Variants in KCP observed in about 807,000 individuals in gnomAD.
The protein encoded by KCP is kielin cysteine rich BMP regulator.
KCP carries 194 observed loss-of-function variants against 212.7 expected under a neutral mutation model. That is an observed-to-expected ratio of 0.91 (90% CI 0.81 to 1.03). KCP has a LOEUF of 1.03. Ranked by LOEUF, KCP falls within the 50% of genes least tolerant of loss-of-function variation. The pLI is 0.00. For missense variants in KCP, 2,080 were observed against 2,162.5 expected, an observed-to-expected ratio of 0.96 and a Z score of 0.76; for synonymous variants, 833 against 865.3, an observed-to-expected ratio of 0.96 and a Z score of 0.65.
chr7:128,894,274 C>T lies in KCP; in HGVS notation c.851G>A (p.Arg284His), dbSNP rs904732421. ...CRCLEGHIQC[R>H]QRECASLCPY... ...ACACAGGCTGGCACATTCTCGCTGG[C>T]GGCACTGGATGTGACCCTCCTGGTG... The change falls in exon 9 of 40, where the codon CGC becomes CAC. Residue 284 changes from arginine to histidine, a missense_variant. Arg to His is a conservative substitution (Grantham distance 29). Transcript: ENST00000610776. 17 of 1,542,746 alleles carry T rather than the reference C, an allele frequency of 1.1e-5. No homozygotes were observed. Among genetic ancestry groups the T allele is most frequent in the South Asian group, 7.2e-5 (6 of 82,858 alleles).
In KCP at chr7:128,894,019, TC is replaced by T. The variant is rs1794358665; in HGVS notation, c.961del (p.Glu321SerfsTer193). On this transcript the variant is annotated frameshift_variant, in exon 10 of 40. Coordinates refer to ENST00000610776, the MANE Select transcript of KCP (RefSeq NM_001366122.1). LOFTEE classifies it high-confidence loss of function. Reference sequence around the variant, plus strand: ...GCAGGGGTCCCCTGAGCCCACAGGCTCCCCGCTGCGGTGCTCCCGCCCGTTT... The same window carrying T: ...GCAGGGGTCCCCTGAGCCCACAGGCTCCCGCTGCGGTGCTCCCGCCCGTTT... ...FLNGREHRSG[E>X]PVGSGDPCSH... The T allele has an allele frequency of 6.5e-7, 1 of 1,549,988 alleles. No homozygotes were observed. The highest frequency in any genetic ancestry group is 1.4e-5 in the African/African-American group (1 of 73,026).
At chr7:128,891,976 G>A (rs1476799663) in intron 16 of KCP, among the ~76,000 whole-genome samples, 157 bp from the exon 17 acceptor site, 1 of 151,620 alleles carries the variant, frequency 6.6e-6, no homozygotes, top group African/African-American at 2.4e-5. Flanking sequence ...CATGTGTATC[G>A]TTGTGAGCAC....
chr7:128,904,930 A>G (rs939306149), intron 5 of KCP, among the ~76,000 whole-genome samples: 2 of 152,010 alleles, frequency 1.3e-5, no homozygotes, highest in Admixed American at 1.3e-4. Context: ...TTAAAATTTC[A>G]CCAAAGACAT....
At chr7:128,890,617 G>A in intron 20 of KCP, 104 bp from the exon 21 acceptor site, 2 of 914,374 alleles carry the variant, frequency 2.2e-6, no homozygotes, top group Non-Finnish European at 3.2e-6. Context: ...CGTGGGGGCC[G>A]TGGGGGCTGG....
At position 128,878,539 on chromosome 7, in the gene KCP, C is replaced by T. The variant is rs536148402; in HGVS notation, c.4311+19G>A. ...CTGCGTCTCCCCTAATCCCCATCCCCGGTTCCTGTACCACTCACCTGCCAG... is the reference window on the plus strand; with the variant it reads ...CTGCGTCTCCCCTAATCCCCATCCCTGGTTCCTGTACCACTCACCTGCCAG... On this transcript the variant is annotated intron_variant, in intron 38 of 39. Coordinates refer to ENST00000610776, the MANE Select transcript of KCP (RefSeq NM_001366122.1). The T allele has an allele frequency of 3.2e-4, 499 of 1,547,082 alleles. 1 individual carries two copies. In the Admixed American group the frequency reaches 4.4e-3, roughly 14 times the overall value.
intron 31 of KCP, among the ~76,000 whole-genome samples, chr7:128,881,377 T>C (rs10954211): frequency 0.68 from 103,171 of 152,022 alleles, 35,724 homozygotes; most frequent in African/African-American, 0.82. Flanking sequence ...CTGGGGATCC[T>C]GAGCCCCCTG....
At chr7:128,900,879 G>A (rs527869338) in intron 8 of KCP, among the ~76,000 whole-genome samples, 1 of 152,278 alleles carries the variant, frequency 6.6e-6, no homozygotes, top group African/African-American at 2.4e-5. Flanking sequence ...AAGGGAGAGG[G>A]AAAATGTCAG....
chr7:128,877,225 G>A lies in KCP; in HGVS notation c.4705C>T (p.Leu1569=), dbSNP rs555130593. ...PRTCFNQHIP[L]GELAAHCVRP... ...ACGCAGTGGGCTGCCAGCTCCCCCA[G>A]GGGGATATGCTGATTGAAGCAGGTG... The change falls in exon 40 of 40, where the codon CTG becomes TTG. Residue 1569 remains leucine, a synonymous_variant. Coordinates refer to ENST00000610776, the MANE Select transcript of KCP (RefSeq NM_001366122.1). The A allele has an allele frequency of 6.1e-6, 9 of 1,479,858 alleles. No individual in the cohort carries two copies. Among genetic ancestry groups the A allele is most frequent in the African/African-American group, 1.4e-5 (1 of 70,196 alleles). 91.7% of individuals were successfully genotyped at this position (1,479,858 alleles called of 1,614,324 possible).
chr7:128,891,617 A>T (rs766915802), intron 17 of KCP, 29 bp downstream of exon 17: 8 of 1,501,104 alleles, frequency 5.3e-6, no homozygotes, highest in Non-Finnish European at 7.1e-6. Flanking sequence ...ATCCCATCCC[A>T]GAAGGCCGCC....
chr7:128,900,750 AAGAG>A (rs756335658), intron 8 of KCP, among the ~76,000 whole-genome samples: 1 of 152,334 alleles, frequency 6.6e-6, no homozygotes, highest in East Asian at 1.9e-4. Context: ...CCCTGAACAC[AAGAG>A]AGAGAGACCC....
chr7:128,877,601 A>G lies in KCP; in HGVS notation c.4501T>C (p.Cys1501Arg). The change falls in exon 39 of 40, where the codon TGT (cysteine) becomes CGT (arginine). Residue 1501 changes from cysteine (C) to arginine (R), a missense_variant. Physicochemically the swap from Cys to Arg is radical, Grantham distance 180 (BLOSUM62 -3). Coordinates refer to ENST00000610776, the MANE Select transcript of KCP (RefSeq NM_001366122.1). ...GCGGAGGAGCCAGGGCCACAGGCAC[A>G]CAGGTCATACACACAGGCGGCAAAG... ...PFFAACVYDL[C>R]ACGPGSSADA... 6.4e-7 allele frequency: 1 copy of G among 1,551,692 alleles called. No homozygotes were observed. The highest frequency in any genetic ancestry group is 8.7e-7 in the Non-Finnish European group (1 of 1,146,992).
chr7:128,890,161 C>T (rs1471206335), intron 21 of KCP, 182 bp downstream of exon 21: 17 of 1,127,750 alleles, frequency 1.5e-5, no homozygotes, highest in Admixed American at 2.3e-5. Context: ...CTCAAGTGAT[C>T]CTCCTGCCTC....
intron 31 of KCP, 124 bp downstream of exon 31, chr7:128,881,502 C>T (rs990830938): frequency 1.7e-6 from 1 of 602,200 alleles, no homozygotes; most frequent in Non-Finnish European, 2.7e-6. Flanking sequence ...AAGAATGAAC[C>T]CTGCATTCTG....
chr7:128,888,802 C>T (rs921544751), intron 22 of KCP, 61 bp downstream of exon 22: 12 of 1,461,516 alleles, frequency 8.2e-6, no homozygotes, highest in Non-Finnish European at 9.2e-6. Context: ...AAAGTGGAAT[C>T]GGTGAGAAAG....
chr7:128,892,152 C>T (rs528864854), intron 16 of KCP, among the ~76,000 whole-genome samples: 1 of 151,998 alleles, frequency 6.6e-6, no homozygotes, highest in African/African-American at 2.4e-5. Flanking sequence ...CAGCACCCGG[C>T]CTCCTACGTG....
intron 37 of KCP, 147 bp downstream of exon 37, chr7:128,879,375 C>A (rs956975456): frequency 3.2e-6 from 2 of 629,974 alleles, no homozygotes; most frequent in South Asian, 1.9e-5. Flanking sequence ...GACCCTGATC[C>A]ACCTCCCCTC....
chr7:128,893,138 G>T, intron 13 of KCP, 100 bp downstream of exon 13: 2 of 1,245,084 alleles, frequency 1.6e-6, no homozygotes, highest in Non-Finnish European at 2.3e-6. Context: ...ATGGCTAGTG[G>T]ACTTAGCAAC....
intron 4 of KCP, 69 bp downstream of exon 4, chr7:128,907,032 G>A (rs1270441864): frequency 1.4e-5 from 20 of 1,429,622 alleles, no homozygotes; most frequent in South Asian, 1.3e-5. Flanking sequence ...TGAGTGCCAC[G>A]CTGCAGTGAC....
chr7:128,903,998 G>A (rs1162829603), intron 6 of KCP, 58 bp downstream of exon 6: 2 of 1,468,332 alleles, frequency 1.4e-6, no homozygotes, highest in African/African-American at 2.8e-5. Context: ...CAGGGCCCAG[G>A]GCAGGGCAGG....
Sources: allele counts gnomAD v4.1 joint callset (sites outside exome capture counted in the v4.1 genomes callset), GRCh38; gene constraint gnomAD v4.1.1; transcripts MANE v1.5; gene names NCBI Gene and HGNC (gene_info 2026-07-23, HGNC 2026-07-21).